GPHN: variants seen among roughly 807,000 people sequenced by gnomAD.
GPHN encodes gephyrin.
A neutral mutation model predicts 95.5 loss-of-function variants in GPHN; 17 were observed. That is an observed-to-expected ratio of 0.18 (90% CI 0.12 to 0.27). The LOEUF (loss-of-function observed/expected upper bound fraction) is 0.27, where lower values mean the gene tolerates loss of function less well. Ranked by LOEUF, GPHN falls within the 10% of genes least tolerant of loss-of-function variation. The pLI is 1.00. For missense variants in GPHN, 660 were observed against 978.1 expected (o/e 0.67, Z 4.34); for synonymous variants, 320 against 322.5 (o/e 0.99, Z 0.08).
the GPHN span, among the ~76,000 whole-genome samples, chr14:67,319,364 G>A: frequency 1.3e-5 from 2 of 152,086 alleles, no homozygotes; most frequent in African/African-American, 4.8e-5. Context: ...CTGGATTATG[G>A]GCTTTAGGAA....
chr14:66,643,444 T>C (rs950678208), intron 1 of GPHN, among the ~76,000 whole-genome samples: 50 of 152,118 alleles, frequency 3.3e-4, no homozygotes, highest in Admixed American at 1.1e-3. Context: ...GGAATGTTGA[T>C]ACTATTTGTA....
At chr14:67,440,385 T>TGTAAAATTACTGTCA in the GPHN span, among the ~76,000 whole-genome samples, 1 of 152,072 alleles carries the variant, frequency 6.6e-6, no homozygotes, top group Non-Finnish European at 1.5e-5. Context: ...AACTGTTAGC[T>TGTAAAATTACTGTCA]GTAAAATTAC....
intron 8 of GPHN, among the ~76,000 whole-genome samples, chr14:66,962,923 A>G (rs908274478): frequency 7.6e-4 from 115 of 151,968 alleles, no homozygotes; most frequent in African/African-American, 2.7e-3. Flanking sequence ...TTAAGCCAGC[A>G]TAATAGGTAT....
At chr14:66,933,907 G>A (rs528043858) in intron 8 of GPHN, among the ~76,000 whole-genome samples, 2 of 152,158 alleles carry the variant, frequency 1.3e-5, no homozygotes, top group South Asian at 4.2e-4. Flanking sequence ...GGGAGGCTGA[G>A]GTGGGCAGAT....
At chr14:67,466,982 G>C in the GPHN span, 1 of 145,992 alleles carries the variant, frequency 6.8e-6, no homozygotes, top group African/African-American at 2.6e-5. Context: ...GCGACAGAGG[G>C]GGACCCAATC....
intron 16 of GPHN, among the ~76,000 whole-genome samples, chr14:67,117,526 C>T (rs1312792750): frequency 2.0e-5 from 3 of 152,090 alleles, no homozygotes; most frequent in Non-Finnish European, 2.9e-5. Context: ...ACCTAAAGTC[C>T]TCAACAGTAA....
chr14:66,513,139 A>G (rs1326576228), intron 1 of GPHN, among the ~76,000 whole-genome samples: 1 of 151,772 alleles, frequency 6.6e-6, no homozygotes, highest in African/African-American at 2.4e-5. Context: ...ATTAATTTCT[A>G]ATGAATATAC....
chr14:67,019,909 C>G (rs980813251), intron 9 of GPHN, among the ~76,000 whole-genome samples: 1 of 152,194 alleles, frequency 6.6e-6, no homozygotes, highest in Admixed American at 6.5e-5. Flanking sequence ...ACCACTGCTA[C>G]GCTTTCGTGT....
At position 66,841,436 on chromosome 14, in the gene GPHN, A is replaced by C. The variant is rs77626931; in HGVS notation, c.294+16870A>C. Among the ~76,000 whole-genome samples the C allele has an allele frequency of 3.1e-3, 471 of 152,272 alleles. 11 individuals are homozygous for C. Among genetic ancestry groups the C allele is most frequent in the African/African-American group, 0.011 (446 of 41,548 alleles). On this transcript the variant is annotated intron_variant, in intron 4 of 22. Transcript: ENST00000478722. ...TATTTTAATGGGAAAACAAGTTAGG[A>C]GACTATTAAAATAATCCAGGTGGAA...
chr14:67,422,298 T>C, the GPHN span, among the ~76,000 whole-genome samples: 1 of 152,114 alleles, frequency 6.6e-6, no homozygotes, highest in Admixed American at 6.5e-5. Context: ...AAAGCCCCAA[T>C]AAAGGCTCTG....
the GPHN span, among the ~76,000 whole-genome samples, chr14:67,641,624 G>C: frequency 6.6e-6 from 1 of 152,248 alleles, no homozygotes; most frequent in East Asian, 1.9e-4. Context: ...TTTCAGATTG[G>C]CTATTTATAA....
intron 11 of GPHN, among the ~76,000 whole-genome samples, chr14:67,071,450 A>G (rs1257708979): frequency 3.3e-5 from 5 of 149,356 alleles, no homozygotes; most frequent in Non-Finnish European, 5.9e-5. Flanking sequence ...ACTTGGACAC[A>G]GGAAGGGGAA....
At chr14:66,682,206 T>C (rs2066980161) in intron 2 of GPHN, among the ~76,000 whole-genome samples, 1 of 152,218 alleles carries the variant, frequency 6.6e-6, no homozygotes, top group Admixed American at 6.5e-5. Flanking sequence ...CATTTTTTTC[T>C]TTTCTCCATC....
intron 4 of GPHN, among the ~76,000 whole-genome samples, chr14:66,852,434 A>T (rs1367520701): frequency 1.3e-5 from 2 of 152,252 alleles, no homozygotes; most frequent in Non-Finnish European, 2.9e-5. Context: ...TTCACGCGCT[A>T]AATGCAGGAG....
chr14:67,128,566 G>T (rs1242341437), intron 17 of GPHN, among the ~76,000 whole-genome samples: 1 of 152,178 alleles, frequency 6.6e-6, no homozygotes, highest in Admixed American at 6.5e-5. Context: ...GTATTTATAT[G>T]TAGAAATACC....
chr14:67,422,554 C>T, the GPHN span, among the ~76,000 whole-genome samples: 2 of 152,242 alleles, frequency 1.3e-5, no homozygotes, highest in South Asian at 4.1e-4. Flanking sequence ...CTGTCCACCA[C>T]AGATCTTTCT....
chr14:67,203,080 T>G, the GPHN span: 1 of 1,607,852 alleles, frequency 6.2e-7, no homozygotes, highest in Non-Finnish European at 8.5e-7. Flanking sequence ...CCTTTTCCTG[T>G]TTTCTGCACT....
intron 9 of GPHN, among the ~76,000 whole-genome samples, chr14:66,999,688 C>G (rs746297300): frequency 6.6e-6 from 1 of 151,720 alleles, no homozygotes; most frequent in African/African-American, 2.4e-5. Context: ...ACGTTTCTAA[C>G]TGATTTTCAA....
the GPHN span, among the ~76,000 whole-genome samples, chr14:67,505,338 G>A: frequency 1.3e-5 from 2 of 152,108 alleles, no homozygotes. Flanking sequence ...AATTCACCAG[G>A]ACCACTCAGG....
Sources: allele counts gnomAD v4.1 joint callset (sites outside exome capture counted in the v4.1 genomes callset), GRCh38; gene constraint gnomAD v4.1.1; transcripts MANE v1.5; gene names NCBI Gene and HGNC (gene_info 2026-07-23, HGNC 2026-07-21).